The following FOXN3 variants were observed in gnomAD, a reference collection of about 807,000 sequenced individuals.
The protein encoded by FOXN3 is forkhead box protein N3.
Under a neutral mutation model 38.4 loss-of-function variants are expected in FOXN3, and 7 were observed. That is an observed-to-expected ratio of 0.18 (90% CI 0.10 to 0.34). FOXN3 has a LOEUF of 0.34. Among genes scored for constraint, FOXN3 ranks in the 10% least tolerant of loss-of-function variants. FOXN3 has a pLI of 1.00. For synonymous variants in FOXN3, 230 were observed against 242.2 expected (o/e 0.95, Z 0.47); for missense variants, 456 against 613.4 (o/e 0.74, Z 2.71).
At chr14:89,485,108 C>T (rs1354760931) in intron 1 of FOXN3, among the ~76,000 whole-genome samples, 4 of 150,242 alleles carry the variant, frequency 2.7e-5, no homozygotes, top group Non-Finnish European at 4.4e-5. Context: ...GCAGAGATGG[C>T]GCCACTGCAC....
At chr14:89,568,243 C>T (rs1179574927) in intron 1 of FOXN3, among the ~76,000 whole-genome samples, 1 of 152,196 alleles carries the variant, frequency 6.6e-6, no homozygotes, top group East Asian at 1.9e-4. Flanking sequence ...AGTCCAGGGA[C>T]TTCGCTCACC....
chr14:89,303,477 G>T (rs1263362462), intron 3 of FOXN3, among the ~76,000 whole-genome samples: 1 of 143,814 alleles, frequency 7.0e-6, no homozygotes, highest in Non-Finnish European at 1.5e-5. Flanking sequence ...CATGGAGTAG[G>T]TGTTCAATAA....
At chr14:89,201,604 C>T (rs1163514464) in intron 4 of FOXN3, among the ~76,000 whole-genome samples, 1 of 152,126 alleles carries the variant, frequency 6.6e-6, no homozygotes, top group Non-Finnish European at 1.5e-5. Context: ...ACCAGGAAGC[C>T]CCTTGAGACC....
At chr14:89,535,888 A>T (rs1023796720) in intron 1 of FOXN3, among the ~76,000 whole-genome samples, 2 of 152,228 alleles carry the variant, frequency 1.3e-5, no homozygotes, top group African/African-American at 4.8e-5. Context: ...AGGGAGATTT[A>T]TGTATATGCC....
intron 1 of FOXN3, among the ~76,000 whole-genome samples, chr14:89,516,270 G>T: frequency 6.6e-6 from 1 of 152,104 alleles, no homozygotes; most frequent in Middle Eastern, 3.2e-3. Flanking sequence ...TCTGGCTAAA[G>T]TTTCTCCTCT....
chr14:89,397,116 G>T (rs1277722583), intron 2 of FOXN3, among the ~76,000 whole-genome samples: 2 of 152,114 alleles, frequency 1.3e-5, no homozygotes, highest in African/African-American at 4.8e-5. Flanking sequence ...AAACATAAAT[G>T]AGATCACGTC....
chr14:89,514,369 G>A (rs138963307), intron 1 of FOXN3, among the ~76,000 whole-genome samples: 11 of 152,326 alleles, frequency 7.2e-5, no homozygotes, highest in Non-Finnish European at 1.3e-4. Context: ...TAGCGTCTGT[G>A]ATGGCAAACC....
chr14:89,333,996 ATATATATATATATGTATAT>A (rs1566959339), intron 3 of FOXN3, among the ~76,000 whole-genome samples: 9 of 64,330 alleles, frequency 1.4e-4, no homozygotes, highest in East Asian at 1.1e-3. Flanking sequence ...ATATATATAT[ATATATATATATATGTATAT>A]AAATGTGGTA....
chr14:89,379,225 C>T (rs1457331820), intron 2 of FOXN3, among the ~76,000 whole-genome samples: 1 of 152,212 alleles, frequency 6.6e-6, no homozygotes, highest in Non-Finnish European at 1.5e-5. Context: ...CTCTCCCCAT[C>T]TGACCTTCAC....
intron 4 of FOXN3, 86 bp downstream of exon 4, chr14:89,280,864 G>T: frequency 1.7e-6 from 2 of 1,184,754 alleles, no homozygotes; most frequent in Non-Finnish European, 2.5e-6. Context: ...GGACAGAACT[G>T]TCCTATTTGA....
chr14:89,433,987 C>T (rs1358526715), intron 1 of FOXN3, among the ~76,000 whole-genome samples: 1 of 149,314 alleles, frequency 6.7e-6, no homozygotes, highest in Non-Finnish European at 1.5e-5. Flanking sequence ...TGCAATGGCC[C>T]CATCTTGGCT....
At chr14:89,617,305 T>C (rs1224557005) in intron 1 of FOXN3, among the ~76,000 whole-genome samples, 3 of 152,238 alleles carry the variant, frequency 2.0e-5, no homozygotes, top group African/African-American at 7.2e-5. Context: ...CATTTCACAG[T>C]GTTTACTAAT....
At chr14:89,266,501 A>G (rs1885984691) in intron 4 of FOXN3, among the ~76,000 whole-genome samples, 1 of 152,070 alleles carries the variant, frequency 6.6e-6, no homozygotes, top group Non-Finnish European at 1.5e-5. Context: ...GGGGCGGTGG[A>G]GATGCAATTC....
intron 1 of FOXN3, among the ~76,000 whole-genome samples, chr14:89,593,239 G>A (rs1895994715): frequency 6.7e-6 from 1 of 150,156 alleles, no homozygotes; most frequent in Non-Finnish European, 1.5e-5. Context: ...GGAGAAAGGA[G>A]GGAGGGAGGG....
At chr14:89,586,292 G>C (rs749823241) in intron 1 of FOXN3, among the ~76,000 whole-genome samples, 16 of 152,286 alleles carry the variant, frequency 1.1e-4, no homozygotes, top group Non-Finnish European at 1.6e-4. Flanking sequence ...GAAAAGAGAA[G>C]AGAAAGGTTA....
chr14:89,608,143 TA>T (rs1217466121), intron 1 of FOXN3, among the ~76,000 whole-genome samples: 3 of 130,776 alleles, frequency 2.3e-5, no homozygotes, highest in African/African-American at 8.8e-5. Context: ...CATGCCTGGC[TA>T]ATTTTTTATA....
chr14:89,462,321 C>G (rs1202777419), intron 1 of FOXN3, among the ~76,000 whole-genome samples: 1 of 152,208 alleles, frequency 6.6e-6, no homozygotes, highest in Non-Finnish European at 1.5e-5. Flanking sequence ...CAAAAGCCAC[C>G]TCACCAGGAG....
intron 3 of FOXN3, among the ~76,000 whole-genome samples, chr14:89,322,038 C>CA: frequency 6.6e-6 from 1 of 152,332 alleles, no homozygotes; most frequent in South Asian, 2.1e-4. Flanking sequence ...CCTGATACTG[C>CA]AACCCTCTTT....
intron 1 of FOXN3, among the ~76,000 whole-genome samples, chr14:89,463,160 G>A (rs1441920436): frequency 1.3e-5 from 2 of 151,534 alleles, no homozygotes; most frequent in Non-Finnish European, 2.9e-5. Flanking sequence ...GTGGTGGCAG[G>A]CGCCTGTAGT....
Sources: gnomAD v4.1 joint callset for allele counts (sites outside exome capture counted in the v4.1 genomes callset) on GRCh38, gnomAD v4.1.1 for gene constraint, MANE v1.5 for transcripts, NCBI Gene and HGNC (gene_info 2026-07-23, HGNC 2026-07-21) for gene names.